GNAZ: variants seen among roughly 807,000 people sequenced by gnomAD.
GNAZ encodes G protein subunit alpha z.
In GNAZ, 3 loss-of-function variants were observed where a neutral mutation model predicts 25.4. The ratio of observed to expected loss-of-function variants is 0.12; its 90% CI spans 0.05 to 0.30. GNAZ has a LOEUF of 0.30. Ranked by LOEUF, GNAZ falls within the 10% of genes least tolerant of loss-of-function variation. The pLI is 1.00. For synonymous variants in GNAZ, 211 were observed against 205.7 expected, an observed-to-expected ratio of 1.03 and a Z score of -0.22; for missense variants, 241 against 501.8, an observed-to-expected ratio of 0.48 and a Z score of 4.97.
At chr22:23,079,455 G>T (rs923596363) in intron 1 of GNAZ, among the ~76,000 whole-genome samples, 4 of 152,300 alleles carry the variant, frequency 2.6e-5, no homozygotes, top group African/African-American at 9.6e-5. Context: ...AGCATGGCAG[G>T]AGTGGGGGAG....
intron 1 of GNAZ, among the ~76,000 whole-genome samples, chr22:23,076,689 C>T (rs982584680): frequency 6.6e-6 from 1 of 152,226 alleles, no homozygotes; most frequent in Non-Finnish European, 1.5e-5. Context: ...CACGGGGATT[C>T]ACAGAGTGAT....
At chr22:23,092,776 C>G (rs1413311342) in intron 1 of GNAZ, among the ~76,000 whole-genome samples, 1 of 152,240 alleles carries the variant, frequency 6.6e-6, no homozygotes, top group African/African-American at 2.4e-5. Flanking sequence ...GCACAAATCA[C>G]ACATCCTTGG....
At chr22:23,114,993 A>T (rs1183010176) in intron 2 of GNAZ, among the ~76,000 whole-genome samples, 1 of 152,164 alleles carries the variant, frequency 6.6e-6, no homozygotes, top group Non-Finnish European at 1.5e-5. Flanking sequence ...TGTCCCAGGG[A>T]TGATGCTGGT....
At chr22:23,103,135 G>C (rs1300627589) in intron 2 of GNAZ, among the ~76,000 whole-genome samples, 2 of 152,336 alleles carry the variant, frequency 1.3e-5, no homozygotes, top group East Asian at 1.9e-4. Flanking sequence ...TGAGGGGCTA[G>C]AGCTGGCTCA....
At chr22:23,104,404 G>A (rs1187731520) in intron 2 of GNAZ, among the ~76,000 whole-genome samples, 1 of 152,144 alleles carries the variant, frequency 6.6e-6, no homozygotes, top group Admixed American at 6.5e-5. Context: ...TGCTCACAAT[G>A]ATACCCTGTC....
rs73384400 is a variant in GNAZ at position 23,109,264 on chromosome 22, G to A, written c.723+12846G>A. Reference sequence around the variant, plus strand: ...CCCAAGTGAGCCTGGCAGCAGAGCCGAGGGCAGCCCCACCAAAGCCACGGA... The same window carrying A: ...CCCAAGTGAGCCTGGCAGCAGAGCCAAGGGCAGCCCCACCAAAGCCACGGA... On this transcript the variant is annotated intron_variant, in intron 2 of 2. Coordinates refer to ENST00000615612, the MANE Select transcript of GNAZ (RefSeq NM_002073.4). Among the ~76,000 whole-genome samples the A allele has an allele frequency of 5.3e-3, 802 of 152,308 alleles. 9 individuals are homozygous for A. The highest frequency in any genetic ancestry group is 0.017 in the African/African-American group (715 of 41,582).
intron 2 of GNAZ, among the ~76,000 whole-genome samples, chr22:23,099,153 G>T (rs921779744): frequency 6.6e-6 from 1 of 152,240 alleles, no homozygotes; most frequent in Admixed American, 6.5e-5. Flanking sequence ...CAGCCCCCCG[G>T]CCCACCCGCT....
intron 2 of GNAZ, among the ~76,000 whole-genome samples, chr22:23,098,501 T>C (rs1185368219): frequency 6.6e-6 from 1 of 152,226 alleles, no homozygotes; most frequent in Non-Finnish European, 1.5e-5. Flanking sequence ...CAGCAGCCAC[T>C]GGCCTGGTCT....
intron 2 of GNAZ, among the ~76,000 whole-genome samples, chr22:23,102,978 A>T (rs1241806560): frequency 6.6e-6 from 1 of 152,154 alleles, no homozygotes; most frequent in East Asian, 1.9e-4. Flanking sequence ...CTCTTGCCCT[A>T]GTGCTGGTAA....
chr22:23,099,836 C>T lies in GNAZ; in HGVS notation c.723+3418C>T, dbSNP rs2069242904. On this transcript the variant is annotated intron_variant, in intron 2 of 2. Coordinates refer to ENST00000615612, the MANE Select transcript of GNAZ (RefSeq NM_002073.4). The stretch of plus-strand genomic sequence containing the variant: ...AGGGACAGACACAGGTGGCTGTGAC[C>T]AGCAGAGCCTGGGTCTTCACTCGGC... Among the ~76,000 whole-genome samples the T allele has an allele frequency of 2.0e-5, 3 of 152,242 alleles. No individual in the cohort carries two copies. The South Asian group carries it at 6.2e-4, about 31-fold the overall frequency.
intron 2 of GNAZ, among the ~76,000 whole-genome samples, chr22:23,115,252 C>A (rs1490793479): frequency 1.3e-5 from 2 of 152,154 alleles, no homozygotes; most frequent in Admixed American, 6.5e-5. Flanking sequence ...GTCCGGGGGC[C>A]CCTCACCTGG....
At chr22:23,118,742 A>T (rs565131703) in intron 2 of GNAZ, among the ~76,000 whole-genome samples, 1 of 152,326 alleles carries the variant, frequency 6.6e-6, no homozygotes, top group East Asian at 1.9e-4. Flanking sequence ...GGGGTGATGC[A>T]CTACCATGGG....
At chr22:23,072,683 T>C (rs1047503507) in intron 1 of GNAZ, among the ~76,000 whole-genome samples, 13 of 152,122 alleles carry the variant, frequency 8.5e-5, no homozygotes, top group African/African-American at 2.9e-4. Flanking sequence ...CTGAGCAGGG[T>C]GAGCTGCTGT....
rs985015908 is a variant in GNAZ, at chr22:23,071,092, C to T, written c.-450+522C>T. On this transcript the variant is annotated intron_variant, in intron 1 of 2. Coordinates refer to ENST00000615612, the MANE Select transcript of GNAZ (RefSeq NM_002073.4). The surrounding 1 kb of genome is among the most constrained non-coding windows in gnomAD (Gnocchi z 4.1). ...CCGCAGACGGACAGCTAGCAGTTCT[C>T]GGTCACTGCTCTTGCAGCGAGCAGG... Among the ~76,000 whole-genome samples, 1 of 152,206 alleles carries T rather than the reference C, an allele frequency of 6.6e-6. No homozygotes were observed. Among genetic ancestry groups the T allele is most frequent in the South Asian group, 2.1e-4 (1 of 4,832 alleles).
At chr22:23,076,473 G>T (rs1950384736) in intron 1 of GNAZ, among the ~76,000 whole-genome samples, 1 of 152,312 alleles carries the variant, frequency 6.6e-6, no homozygotes, top group East Asian at 1.9e-4. Flanking sequence ...GCTCCTAAGA[G>T]GTTGTACCTT....
intron 1 of GNAZ, among the ~76,000 whole-genome samples, chr22:23,077,012 G>C (rs746900693): frequency 3.3e-5 from 5 of 152,164 alleles, no homozygotes; most frequent in Non-Finnish European, 7.4e-5. Context: ...CTCAACTCTG[G>C]AGTGACCGTC....
At chr22:23,083,896 T>C (rs141871695) in intron 1 of GNAZ, among the ~76,000 whole-genome samples, 57 of 152,228 alleles carry the variant, frequency 3.7e-4, no homozygotes, top group African/African-American at 1.3e-3. Context: ...TAGTCAGGGG[T>C]CCTCATCAGA....
At chr22:23,097,681 C>T (rs1381066359) in intron 2 of GNAZ, among the ~76,000 whole-genome samples, 1 of 152,258 alleles carries the variant, frequency 6.6e-6, no homozygotes, top group Non-Finnish European at 1.5e-5. Context: ...ACAAGTTCAG[C>T]CCCATGTGTG....
chr22:23,077,407 T>C (rs553705913), intron 1 of GNAZ, among the ~76,000 whole-genome samples: 1 of 152,256 alleles, frequency 6.6e-6, no homozygotes, highest in South Asian at 2.1e-4. Flanking sequence ...CACTGAAGAA[T>C]GAATAAGTGA....
Sources: gnomAD v4.1 joint callset for allele counts (sites outside exome capture counted in the v4.1 genomes callset) on GRCh38, gnomAD v4.1.1 for gene constraint, Gnocchi (gnomAD v3.1) non-coding constraint, MANE v1.5 for transcripts, NCBI Gene and HGNC (gene_info 2026-07-23, HGNC 2026-07-21) for gene names.